The following GNAQ variants were observed in gnomAD, a reference collection of about 807,000 sequenced individuals.
GNAQ encodes the protein guanine nucleotide-binding protein G(q) subunit alpha.
Under a neutral mutation model 43.9 loss-of-function variants are expected in GNAQ, and 8 were observed. The observed-to-expected ratio is 0.18, with a 90% confidence interval of 0.11 to 0.33. The LOEUF is 0.33. GNAQ is among the 10% of genes least tolerant of loss of function. The pLI, the probability that GNAQ is intolerant of heterozygous loss-of-function variation, is 1.00. For synonymous variants in GNAQ, 155 were observed against 170.7 expected (o/e 0.91, Z 0.71); for missense variants, 158 against 450.8 (o/e 0.35, Z 5.88).
chr9:77,979,951 A>G (rs1487208825), intron 1 of GNAQ, among the ~76,000 whole-genome samples: 4 of 152,236 alleles, frequency 2.6e-5, no homozygotes, highest in African/African-American at 9.6e-5. Context: ...GACAGAAAAT[A>G]GGTCATAACA....
intron 5 of GNAQ, among the ~76,000 whole-genome samples, chr9:77,736,857 G>A (rs192350059): frequency 5.9e-5 from 9 of 152,154 alleles, no homozygotes; most frequent in Admixed American, 2.0e-4. Flanking sequence ...AGAGATGAAC[G>A]GATTAATATT....
intron 5 of GNAQ, among the ~76,000 whole-genome samples, chr9:77,755,401 G>A (rs1271803467): frequency 1.3e-5 from 2 of 152,044 alleles, no homozygotes; most frequent in African/African-American, 4.8e-5. Flanking sequence ...AAATGCTTGA[G>A]GTGGATATCC....
At chr9:77,957,285 G>C (rs1354228095) in intron 1 of GNAQ, among the ~76,000 whole-genome samples, 1 of 152,078 alleles carries the variant, frequency 6.6e-6, no homozygotes, top group African/African-American at 2.4e-5. Flanking sequence ...GAACACGGGA[G>C]GTGGAAGTTG....
At chr9:78,019,232 A>G (rs1823875070) in intron 1 of GNAQ, among the ~76,000 whole-genome samples, 1 of 152,220 alleles carries the variant, frequency 6.6e-6, no homozygotes, top group South Asian at 2.1e-4. Context: ...AGATGAGAAA[A>G]TGCATGGGAC....
intron 5 of GNAQ, among the ~76,000 whole-genome samples, chr9:77,787,898 C>T (rs1156673267): frequency 6.6e-5 from 10 of 152,066 alleles, no homozygotes; most frequent in African/African-American, 2.2e-4. Context: ...GGCATGGTGG[C>T]GCGTGCCTGT....
At chr9:77,726,294 T>A (rs1413128377) in intron 6 of GNAQ, among the ~76,000 whole-genome samples, 2 of 152,128 alleles carry the variant, frequency 1.3e-5, no homozygotes, top group Admixed American at 6.5e-5. Flanking sequence ...CAAAGGAAAA[T>A]GTACTTGAAG....
intron 1 of GNAQ, among the ~76,000 whole-genome samples, chr9:77,922,694 C>A (rs1317094704): frequency 6.6e-6 from 1 of 152,166 alleles, no homozygotes; most frequent in Non-Finnish European, 1.5e-5. Context: ...GCTCTGTTCC[C>A]TGGAGAATAT....
rs565100312 is a variant in GNAQ at position 77,757,489 on chromosome 9, C to CTGTT, written c.736-28826_736-28823dup. 1.5e-3 allele frequency among the ~76,000 whole-genome samples: 234 copies of CTGTT among 152,274 alleles called. 2 individuals carry two copies. The highest frequency in any genetic ancestry group is 4.3e-3 in the African/African-American group (180 of 41,552). On this transcript the variant is annotated intron_variant, in intron 5 of 6. Coordinates refer to ENST00000286548, the MANE Select transcript of GNAQ (RefSeq NM_002072.5). ...CTTCCCCCTAGCTTATTAATGCTTC[C>CTGTT]TGTTAGAAAGAAAACTACAAATATA...
At chr9:77,860,128 G>A (rs181408306) in intron 2 of GNAQ, among the ~76,000 whole-genome samples, 4 of 152,284 alleles carry the variant, frequency 2.6e-5, no homozygotes, top group Admixed American at 2.6e-4. Context: ...TATTAAAGCT[G>A]CCCTAGAACA....
At chr9:77,801,883 C>T (rs753923589) in intron 3 of GNAQ, among the ~76,000 whole-genome samples, 1 of 152,174 alleles carries the variant, frequency 6.6e-6, no homozygotes, top group South Asian at 2.1e-4. Context: ...AGACCACGAA[C>T]GACATTTTTG....
intron 2 of GNAQ, among the ~76,000 whole-genome samples, chr9:77,862,178 C>T (rs954161169): frequency 5.9e-5 from 9 of 151,920 alleles, no homozygotes; most frequent in Admixed American, 3.3e-4. Context: ...GGTGAATCTA[C>T]CACTCTGGGA....
chr9:77,788,949 T>C (rs945015732), intron 5 of GNAQ, among the ~76,000 whole-genome samples: 6 of 152,202 alleles, frequency 3.9e-5, no homozygotes, highest in African/African-American at 1.2e-4. Context: ...GAGAAGTCAC[T>C]TGGGGCTCAG....
At chr9:77,983,691 G>A (rs1823397068) in intron 1 of GNAQ, among the ~76,000 whole-genome samples, 1 of 152,044 alleles carries the variant, frequency 6.6e-6, no homozygotes, top group Non-Finnish European at 1.5e-5. Flanking sequence ...GCATTTTATG[G>A]AAACACAGAA....
rs186240810 is a variant in GNAQ at position 77,900,274 on chromosome 9, G to A, written c.321+21887C>T. On this transcript the variant is annotated intron_variant, in intron 2 of 6. Coordinates refer to ENST00000286548, the MANE Select transcript of GNAQ (RefSeq NM_002072.5). Reference sequence around the variant, plus strand: ...CACATTCTAACAGAAACACATGTACGAATAACACAGTCAAAAAAGATCCTT... The same window carrying A: ...CACATTCTAACAGAAACACATGTACAAATAACACAGTCAAAAAAGATCCTT... 2.6e-5 allele frequency among the ~76,000 whole-genome samples: 4 copies of A among 152,214 alleles called. No homozygotes were observed. The East Asian group carries it at 7.7e-4, about 29-fold the overall frequency.
rs1376224812 is a variant in GNAQ, at chr9:77,889,594, T to A, written c.321+32567A>T. ...CCAATGCTTATTGGACACATGTTGA[T>A]CCTTCCAGATCCCTAGTGATGCTGC... On this transcript the variant is annotated intron_variant, in intron 2 of 6. Coordinates refer to ENST00000286548, the MANE Select transcript of GNAQ (RefSeq NM_002072.5). Among the ~76,000 whole-genome samples, 3 of 152,150 alleles carry A rather than the reference T, an allele frequency of 2.0e-5. No individual in the cohort carries two copies. In the East Asian group the frequency reaches 5.8e-4, roughly 29 times the overall value.
chr9:77,723,706 T>C (rs948385861), intron 6 of GNAQ, among the ~76,000 whole-genome samples: 1 of 152,204 alleles, frequency 6.6e-6, no homozygotes, highest in South Asian at 2.1e-4. Context: ...ATTGTATGCT[T>C]GCACACATAT....
intron 2 of GNAQ, among the ~76,000 whole-genome samples, chr9:77,849,174 C>T (rs1001811045): frequency 1.4e-4 from 21 of 152,048 alleles, no homozygotes; most frequent in Non-Finnish European, 2.4e-4. Flanking sequence ...CAAAGGACGT[C>T]GATTATTTAA....
At chr9:77,775,310 C>A (rs1826290016) in intron 5 of GNAQ, among the ~76,000 whole-genome samples, 1 of 151,982 alleles carries the variant, frequency 6.6e-6, no homozygotes, top group African/African-American at 2.4e-5. Context: ...AGGGTATAAA[C>A]ACCTCAAAAG....
At chr9:77,866,177 TA>T (rs200138154) in intron 2 of GNAQ, among the ~76,000 whole-genome samples, 3 of 151,886 alleles carry the variant, frequency 2.0e-5, no homozygotes, top group Non-Finnish European at 4.4e-5. Context: ...GGCAGTGATT[TA>T]AAAAAAACAA....
Sources: allele counts gnomAD v4.1 joint callset (sites outside exome capture counted in the v4.1 genomes callset), GRCh38; gene constraint gnomAD v4.1.1; transcripts MANE v1.5; gene names NCBI Gene and HGNC (gene_info 2026-07-23, HGNC 2026-07-21).